Variants in WDR74 observed in about 807,000 individuals in gnomAD.
The protein encoded by WDR74 is WD repeat domain 74, also known as WD repeat-containing protein 74.
In WDR74, 31 loss-of-function variants were observed where a neutral mutation model predicts 45.6. That is an observed-to-expected ratio of 0.68 (90% CI 0.51 to 0.92). The LOEUF (loss-of-function observed/expected upper bound fraction) is 0.92, where lower values mean the gene tolerates loss of function less well. Ranked by LOEUF, WDR74 falls within the 40% of genes least tolerant of loss-of-function variation. The pLI, the probability that WDR74 is intolerant of heterozygous loss-of-function variation, is 0.00. For missense variants in WDR74, 455 were observed against 497.2 expected (o/e 0.92, Z 0.81); for synonymous variants, 191 against 192.4 (o/e 0.99, Z 0.06).
At chr11:62,835,246 A>C (rs2084940904) in intron 6 of WDR74, 185 bp downstream of exon 6, 7 of 599,010 alleles carry the variant, frequency 1.2e-5, no homozygotes, top group Non-Finnish European at 2.1e-5. Flanking sequence ...ATAGTTCAGG[A>C]AACTCCACCC....
chr11:62,832,962 G>T lies in WDR74; in HGVS notation c.1148C>A (p.Thr383Asn). ...RRRKKKRPGSTSP is the reference protein window; with the variant it reads ...RRRKKKRPGSNSP ...GTGGGCACAGGGGCGTCAGGGGCTG[G>T]TGGACCCAGGCCGCTTCTTCTTTCT... Residue 383 changes from threonine (T) to asparagine (N), a missense_variant, in exon 11 of 11, where the codon ACC becomes AAC. By Grantham distance (65) the Thr-to-Asn change is moderately conservative. Coordinates refer to ENST00000278856, the MANE Select transcript of WDR74 (RefSeq NM_001369450.1). The T allele has an allele frequency of 6.2e-7, 1 of 1,603,934 alleles. No individual in the cohort carries two copies. The highest frequency in any genetic ancestry group is 8.5e-7 in the Non-Finnish European group (1 of 1,175,554).
rs781774997 is a variant in WDR74, at chr11:62,839,524, T to A, written c.47A>T (p.Glu16Val). ...CCACCCACCTTTCAAGATCCCAGTCTCGGTGCCGACCCACACATGGTTCCA... is the reference window on the plus strand; with the variant it reads ...CCACCCACCTTTCAAGATCCCAGTCACGGTGCCGACCCACACATGGTTCCA... ...ARWNHVWVGT[E>V]TGILKGVNLQ... Residue 16 changes from glutamate to valine, a missense_variant, in exon 1 of 11, where the codon GAG (glutamate) becomes GTG (valine). Glu to Val is a moderately radical substitution (Grantham distance 121, BLOSUM62 -2). Coordinates refer to ENST00000278856, the MANE Select transcript of WDR74 (RefSeq NM_001369450.1). The A allele has an allele frequency of 6.2e-7, 1 of 1,613,532 alleles. No homozygotes were observed. Among genetic ancestry groups the A allele is most frequent in the South Asian group, 1.1e-5 (1 of 91,066 alleles).
intron 3 of WDR74, among the ~76,000 whole-genome samples, chr11:62,837,723 A>G (rs2084980491): frequency 6.6e-6 from 1 of 152,124 alleles, no homozygotes; most frequent in Non-Finnish European, 1.5e-5. Context: ...CAGGCTTTCC[A>G]GACCTCACCT....
At chr11:62,841,357 G>T (rs1327400019), upstream of WDR74, among the ~76,000 whole-genome samples, 1 of 152,080 alleles carries the variant, frequency 6.6e-6, no homozygotes, top group East Asian at 1.9e-4. Flanking sequence ...AACATTAGCC[G>T]GGGGTGGTGG....
At chr11:62,841,408 T>C (rs755816990), upstream of WDR74, among the ~76,000 whole-genome samples, 9 of 150,986 alleles carry the variant, frequency 6.0e-5, no homozygotes, top group East Asian at 2.0e-4. Context: ...GGCTGAAGTA[T>C]GAAGATTGCT....
chr11:62,838,817 G>C (rs1173916162), intron 3 of WDR74, among the ~76,000 whole-genome samples: 1 of 151,662 alleles, frequency 6.6e-6, no homozygotes, highest in East Asian at 1.9e-4. Flanking sequence ...TAAATGACTT[G>C]CCCATGGTTA....
chr11:62,835,818 A>G lies in WDR74; in HGVS notation c.393T>C (p.Pro131=), dbSNP rs192301669. The G allele has an allele frequency of 3.1e-6, 5 of 1,612,626 alleles. No individual in the cohort carries two copies. Among genetic ancestry groups the G allele is most frequent in the Admixed American group, 3.3e-5 (2 of 59,714 alleles). Residue 131 remains proline, a synonymous_variant, in exon 5 of 11, where the codon CCT becomes CCC. Coordinates refer to ENST00000278856, the MANE Select transcript of WDR74 (RefSeq NM_001369450.1). The part of the protein sequence containing the change: ...SDPLLELRVG[P]GVCRMRQDPA... ...GGTCTTGGCGCATCCTACACACCCC[A>G]GGGCCCACTCTCAGTTCCAGGAGCT... is the stretch of plus-strand genomic sequence containing the variant.
chr11:62,839,293 C>CA lies in WDR74; in HGVS notation c.171+28dup, dbSNP rs1284383570. Reference sequence around the variant, plus strand: ...GCGAGGCTGCTGCGCCCCAGGCCCCCAGCTCCGGCCCGACCAGGGGCCACT... The same window carrying CA: ...GCGAGGCTGCTGCGCCCCAGGCCCCCAAGCTCCGGCCCGACCAGGGGCCACT... On this transcript the variant is annotated intron_variant, in intron 2 of 10. Coordinates refer to ENST00000278856, the MANE Select transcript of WDR74 (RefSeq NM_001369450.1). 7 of 1,610,630 alleles carry CA rather than the reference C, an allele frequency of 4.3e-6. No homozygotes were observed. In the South Asian group the frequency reaches 7.7e-5, roughly 18 times the overall value.
rs1280157395 is a variant in WDR74 at position 62,839,131 on chromosome 11, G to A, written c.276C>T (p.Gly92=). The change falls in exon 3 of 11, where the codon GGC becomes GGT. Residue 92 remains glycine (G), a synonymous_variant. Coordinates refer to ENST00000278856, the MANE Select transcript of WDR74 (RefSeq NM_001369450.1). ...GGTCTTACCCGTCGGCCTGGGCGAG[G>A]CCACGGAACATGCCCTCCCCGCCCG... ...HCPGGEGMFR[G]LAQADGTLIT... The A allele has an allele frequency of 6.2e-7, 1 of 1,613,514 alleles. No individual in the cohort carries two copies. Among genetic ancestry groups the A allele is most frequent in the Non-Finnish European group, 8.5e-7 (1 of 1,179,890 alleles).
intron 9 of WDR74, 23 bp from the exon 10 acceptor site, chr11:62,833,697 A>G: frequency 6.4e-7 from 1 of 1,569,282 alleles, no homozygotes; most frequent in South Asian, 1.2e-5. Flanking sequence ...AGGGACCTTA[A>G]GGAGCCAGGC....
At chr11:62,840,682 T>C (rs2134902818), upstream of WDR74, among the ~76,000 whole-genome samples, 1 of 152,272 alleles carries the variant, frequency 6.6e-6, no homozygotes, top group South Asian at 2.1e-4. Flanking sequence ...AAGATTTATT[T>C]ATTTTTTGAG....
At chr11:62,837,232 C>T (rs560435959) in intron 3 of WDR74, among the ~76,000 whole-genome samples, 1 of 152,248 alleles carries the variant, frequency 6.6e-6, no homozygotes, top group South Asian at 2.1e-4. Context: ...GTGGTTCACG[C>T]CTGTAATCCC....
rs754103856 is a variant in WDR74, at chr11:62,833,122, G to A, written c.988C>T (p.Gln330Ter). Reference sequence around the variant, plus strand: ...ACCTTGTTGGGTTCTTGAGGCTCTTGGGGCTCATCCTGGTGAGTGGGAAGA... The same window carrying A: ...ACCTTGTTGGGTTCTTGAGGCTCTTAGGGCTCATCCTGGTGAGTGGGAAGA... ...SGRDNWEDEP[Q>*]EPQEPNKVPL... is the part of the protein sequence containing the mutation. Residue 330 changes from glutamine to a stop codon, truncating the protein, a stop_gained, in exon 11 of 11, where the codon CAA (glutamine) becomes TAA (stop). Transcript: ENST00000278856. LOFTEE classifies it low-confidence loss of function (END_TRUNC). The A allele has an allele frequency of 6.2e-7, 1 of 1,612,694 alleles. No individual in the cohort carries two copies. The highest frequency in any genetic ancestry group is 1.3e-5 in the African/African-American group (1 of 74,838).
At chr11:62,839,458 G>A (rs1565223600) in intron 1 of WDR74, 30 bp from the exon 2 acceptor site, 1 of 1,613,564 alleles carries the variant, frequency 6.2e-7, no homozygotes, top group East Asian at 2.2e-5. Context: ...GTCACGCCAG[G>A]GGCGCGAGTG....
intron 6 of WDR74, chr11:62,834,935 G>T (rs1341619981): frequency 1.3e-5 from 3 of 228,970 alleles, no homozygotes; most frequent in Non-Finnish European, 2.6e-5. Flanking sequence ...AGACTTCAAT[G>T]TGCAGAAGCA....
upstream of WDR74, among the ~76,000 whole-genome samples, chr11:62,840,603 C>G (rs1340733730): frequency 6.6e-6 from 1 of 152,134 alleles, no homozygotes; most frequent in African/African-American, 2.4e-5. Context: ...GAAGTCGCTA[C>G]TTTACCTAGA....
chr11:62,835,620 AGTC>A, intron 5 of WDR74, 72 bp downstream of exon 5: 1 of 1,613,498 alleles, frequency 6.2e-7, no homozygotes, highest in Non-Finnish European at 8.5e-7. Flanking sequence ...AAGTCCATCT[AGTC>A]TCTAATGCAT....
chr11:62,839,218 C>G lies in WDR74; in HGVS notation c.189G>C (p.Ala63=), dbSNP rs772690331. The G allele has an allele frequency of 3.7e-6, 6 of 1,613,650 alleles. No homozygotes were observed. In the South Asian group the frequency reaches 5.5e-5, roughly 15 times the overall value. Residue 63 remains alanine, a synonymous_variant, in exon 3 of 11, where the codon GCG becomes GCC. Transcript: ENST00000278856. ...GGETQMLVGC[A]DRTVKHFSTE... is the part of the protein sequence containing the mutation. ...TGCTGAAGTGCTTCACCGTCCTGTCCGCGCAGCCCACCAGCATCTGCGGCA... is the reference window on the plus strand; with the variant it reads ...TGCTGAAGTGCTTCACCGTCCTGTCGGCGCAGCCCACCAGCATCTGCGGCA...
upstream of WDR74, among the ~76,000 whole-genome samples, chr11:62,840,732 A>G (rs923343302): frequency 6.6e-6 from 1 of 152,158 alleles, no homozygotes; most frequent in Non-Finnish European, 1.5e-5. Context: ...AGCGCCCGCC[A>G]CCAGGCCTGA....
Sources: gnomAD v4.1 joint callset for allele counts (sites outside exome capture counted in the v4.1 genomes callset) on GRCh38, gnomAD v4.1.1 for gene constraint, MANE v1.5 for transcripts, NCBI Gene and HGNC (gene_info 2026-07-23, HGNC 2026-07-21) for gene names.